The following FGF18 variants were observed in gnomAD, a reference collection of about 807,000 sequenced individuals.
FGF18 encodes fibroblast growth factor 18.
Under a neutral mutation model 23.0 loss-of-function variants are expected in FGF18, and 5 were observed. The ratio of observed to expected loss-of-function variants is 0.22; its 90% CI spans 0.11 to 0.46. FGF18 has a LOEUF of 0.46. Ranked by LOEUF, FGF18 falls within the 20% of genes least tolerant of loss-of-function variation. FGF18 has a pLI of 0.99. For missense variants in FGF18, 180 were observed against 291.6 expected, an observed-to-expected ratio of 0.62 and a Z score of 2.79; for synonymous variants, 117 against 118.9, an observed-to-expected ratio of 0.98 and a Z score of 0.10.
At position 171,432,590 on chromosome 5, in the gene FGF18, G is replaced by C. The variant is rs182004110; in HGVS notation, c.70-3503G>C. 4.1e-4 allele frequency among the ~76,000 whole-genome samples: 63 copies of C among 152,162 alleles called. 1 individual carries two copies. Among genetic ancestry groups the C allele is most frequent in the African/African-American group, 1.5e-3 (62 of 41,510 alleles). On this transcript the variant is annotated intron_variant, in intron 2 of 4. Coordinates refer to ENST00000274625, the MANE Select transcript of FGF18 (RefSeq NM_003862.3). ...CACCTGGCTAATTTTTGTATTTTCA[G>C]TAGAGACAGGGTTTCAGTATGTTAA...
intron 3 of FGF18, among the ~76,000 whole-genome samples, chr5:171,444,664 C>T (rs1212494501): frequency 2.0e-5 from 3 of 152,036 alleles, no homozygotes; most frequent in African/African-American, 7.3e-5. Context: ...CAGGAAGGCG[C>T]ACAGTGGTGA....
chr5:171,446,983 A>C (rs1439838420), intron 3 of FGF18, among the ~76,000 whole-genome samples: 2 of 152,116 alleles, frequency 1.3e-5, no homozygotes, highest in Non-Finnish European at 2.9e-5. Flanking sequence ...ATATCCTTCC[A>C]CTATATTTTC....
chr5:171,429,098 G>C (rs1404792028), intron 2 of FGF18, among the ~76,000 whole-genome samples: 1 of 152,182 alleles, frequency 6.6e-6, no homozygotes. Context: ...GAGTGTCACA[G>C]GAAAGAGGCC....
At position 171,457,370 on chromosome 5, in the gene FGF18, G is replaced by A. The variant is rs1324796860; in HGVS notation, c.*565G>A. The stretch of plus-strand genomic sequence containing the variant: ...TGCCCCTGGGAATTCTCCGCGCCTC[G>A]ACCTCCCGACGACAGACGCCTCGTC... On this transcript the variant is annotated 3_prime_UTR_variant, in exon 5 of 5. Coordinates refer to ENST00000274625, the MANE Select transcript of FGF18 (RefSeq NM_003862.3). 6.5e-6 allele frequency: 1 copy of A among 152,794 alleles called. No homozygotes were observed. Among genetic ancestry groups the A allele is most frequent in the Non-Finnish European group, 1.5e-5 (1 of 68,668 alleles). 9.5% of individuals were successfully genotyped at this position (152,794 alleles called of 1,614,324 possible). A position where few individuals can be genotyped will look rare whatever the true frequency, so the allele number is the denominator to read the frequency against.
chr5:171,426,553 G>A (rs560231637), intron 2 of FGF18, among the ~76,000 whole-genome samples: 1 of 152,354 alleles, frequency 6.6e-6, no homozygotes, highest in South Asian at 2.1e-4. Flanking sequence ...CTTGCTAGCA[G>A]TGTGTTTGCT....
chr5:171,457,174 A>C lies in FGF18; in HGVS notation c.*369A>C. The C allele has an allele frequency of 1.2e-5, 2 of 170,746 alleles. No homozygotes were observed. Among genetic ancestry groups the C allele is most frequent in the East Asian group, 1.6e-4 (1 of 6,272 alleles). The allele number at this position is 170,746 out of a possible 1,614,324, so 10.6% of individuals were successfully genotyped here. On this transcript the variant is annotated 3_prime_UTR_variant, in exon 5 of 5. Transcript: ENST00000274625. ...TTCTGAAAGGAAAAAAAAAAAAAAC[A>C]AAAAAAAAGAAAAACAAAGAGAAAG...
chr5:171,432,489 A>G (rs1026738091), intron 2 of FGF18, among the ~76,000 whole-genome samples: 1 of 151,850 alleles, frequency 6.6e-6, no homozygotes, highest in Non-Finnish European at 1.5e-5. Flanking sequence ...GCTCATGGCA[A>G]CCTCTGCCTC....
intron 2 of FGF18, 137 bp downstream of exon 2, chr5:171,420,580 G>C (rs1468319537): frequency 1.2e-6 from 1 of 836,050 alleles, no homozygotes; most frequent in Non-Finnish European, 1.9e-6. Context: ...CCCAGGGCGC[G>C]GAAGGGCGGC....
rs1341083776 is a variant in FGF18, at chr5:171,443,500, CATTT to C, written c.251-5646_251-5643del. Among the ~76,000 whole-genome samples the C allele has an allele frequency of 1.5e-3, 105 of 70,430 alleles. 1 individual carries two copies. Among genetic ancestry groups the C allele is most frequent in the Non-Finnish European group, 1.9e-3 (63 of 34,028 alleles). The allele number at this position is 70,430 out of a possible 152,430, so 46.2% of individuals were successfully genotyped here. A position where few individuals can be genotyped will look rare whatever the true frequency, so the allele number is the denominator to read the frequency against. ...TCAGATAAGTATTCACTGTTATCAT[CATTT>C]TTTTTTTTTTTTTTTTTTTTTTTTT... On this transcript the variant is annotated intron_variant, in intron 3 of 4. Transcript: ENST00000274625.
In FGF18 at chr5:171,456,294, G is replaced by A. The variant is rs949838784; in HGVS notation, c.358-245G>A. 1.2e-4 allele frequency among the ~76,000 whole-genome samples: 19 copies of A among 152,138 alleles called. No homozygotes were observed. The highest frequency in any genetic ancestry group is 3.4e-4 in the African/African-American group (14 of 41,406). On this transcript the variant is annotated intron_variant, in intron 4 of 4. Coordinates refer to ENST00000274625, the MANE Select transcript of FGF18 (RefSeq NM_003862.3). The surrounding 1 kb of genome is among the most constrained non-coding windows in gnomAD (Gnocchi z 6.1). ...GCAAAGTCTCTGTTAGGTGGCTTTAGCCAGAATCCCCTACACCCTCGATGT... is the reference window on the plus strand; with the variant it reads ...GCAAAGTCTCTGTTAGGTGGCTTTAACCAGAATCCCCTACACCCTCGATGT...
chr5:171,446,545 G>C (rs1484189770), intron 3 of FGF18, among the ~76,000 whole-genome samples: 1 of 152,220 alleles, frequency 6.6e-6, no homozygotes, highest in African/African-American at 2.4e-5. Context: ...AGCAGGAACT[G>C]TTCTGAGGAC....
intron 2 of FGF18, among the ~76,000 whole-genome samples, chr5:171,427,522 C>A (rs1266878367): frequency 2.0e-5 from 3 of 152,156 alleles, no homozygotes; most frequent in Non-Finnish European, 4.4e-5. Flanking sequence ...TTGGGCGAGG[C>A]CCTTAACCTC....
At chr5:171,437,805 C>G (rs969248042) in intron 3 of FGF18, among the ~76,000 whole-genome samples, 2 of 152,152 alleles carry the variant, frequency 1.3e-5, no homozygotes, top group Admixed American at 6.5e-5. Context: ...CTGGGGAGTC[C>G]CAGAGCTCTC....
intron 2 of FGF18, among the ~76,000 whole-genome samples, chr5:171,423,064 C>T (rs1174435728): frequency 2.6e-5 from 4 of 152,194 alleles, no homozygotes; most frequent in Admixed American, 6.5e-5. Flanking sequence ...CCAGTCTTAG[C>T]GGTGGAGTTT....
chr5:171,454,294 A>G (rs1314986408), intron 4 of FGF18, among the ~76,000 whole-genome samples: 1 of 152,144 alleles, frequency 6.6e-6, no homozygotes, highest in Non-Finnish European at 1.5e-5. Flanking sequence ...ATGGGGGAGC[A>G]TCATGGTGTA....
chr5:171,454,278 T>C (rs1772553204), intron 4 of FGF18, among the ~76,000 whole-genome samples: 1 of 152,112 alleles, frequency 6.6e-6, no homozygotes, highest in Non-Finnish European at 1.5e-5. Flanking sequence ...TGGCAGGTAT[T>C]CTAGGATGGG....
intron 3 of FGF18, among the ~76,000 whole-genome samples, chr5:171,438,559 G>C (rs948297211): frequency 1.3e-5 from 2 of 152,114 alleles, no homozygotes; most frequent in African/African-American, 4.8e-5. Context: ...TGGGGACTAG[G>C]CCTTCTTGGC....
chr5:171,421,645 G>A (rs533394032), intron 2 of FGF18, among the ~76,000 whole-genome samples: 12 of 152,268 alleles, frequency 7.9e-5, no homozygotes, highest in Admixed American at 7.8e-4. Context: ...AGTGTTTGGC[G>A]GTGGTGGGCC....
At chr5:171,421,094 G>C (rs1771998504) in intron 2 of FGF18, among the ~76,000 whole-genome samples, 1 of 152,246 alleles carries the variant, frequency 6.6e-6, no homozygotes. Context: ...CTCGCTCTCC[G>C]TGAATCAGAA....
Sources: gnomAD v4.1 joint callset for allele counts (sites outside exome capture counted in the v4.1 genomes callset) on GRCh38, gnomAD v4.1.1 for gene constraint, Gnocchi (gnomAD v3.1) non-coding constraint, MANE v1.5 for transcripts, NCBI Gene and HGNC (gene_info 2026-07-23, HGNC 2026-07-21) for gene names.